The following RBFOX1 variants were observed in gnomAD, a reference collection of about 807,000 sequenced individuals.
RBFOX1 encodes the protein RNA binding protein fox-1 homolog 1.
In RBFOX1, 8 loss-of-function variants were observed where a neutral mutation model predicts 57.7. The observed-to-expected ratio is 0.14, with a 90% CI of 0.08 to 0.25. RBFOX1 has a LOEUF of 0.25. Among genes scored for constraint, RBFOX1 ranks in the 10% least tolerant of loss-of-function variants. The probability of loss-of-function intolerance (pLI) is 1.00; values close to 1 mark genes in which losing one functional copy is unlikely to be tolerated. For missense variants in RBFOX1, 611 were observed against 548.5 expected (o/e 1.11, Z -1.14); for synonymous variants, 326 against 222.4 (o/e 1.47, Z -4.15).
rs1491558284 is a variant in RBFOX1 at position 7,062,892 on chromosome 16, C to CTTTTTTTTTTTTTTTTTTT, written c.27+10794_27+10795insTTTTTTTTTTTTTTTTTTT. Among the ~76,000 whole-genome samples the CTTTTTTTTTTTTTTTTTTT allele has an allele frequency of 1.5e-4, 9 of 59,932 alleles. 3 individuals carry two copies. The highest frequency in any genetic ancestry group is 1.3e-4 in the Non-Finnish European group (4 of 30,268). 39.3% of individuals were successfully genotyped at this position (59,932 alleles called of 152,430 possible). A position where few individuals can be genotyped will look rare whatever the true frequency, so the allele number is the denominator to read the frequency against. ...TACCTCATCTCATTCAAATGATCGCCATTTTTTTTTTTTTTTTTTTTTTTT... is the reference window on the plus strand; with the variant it reads ...TACCTCATCTCATTCAAATGATCGCCTTTTTTTTTTTTTTTTTTTATTTTTTTTTTTTTTTTTTTTTTTT... On this transcript the variant is annotated intron_variant, in intron 4 of 15. Transcript: ENST00000550418.
intron 2 of RBFOX1, among the ~76,000 whole-genome samples, chr16:6,502,627 G>A (rs949594332): frequency 6.6e-6 from 1 of 152,106 alleles, no homozygotes; most frequent in Admixed American, 6.6e-5. Context: ...ATCCATGGTG[G>A]ATAAGTTGTG....
At chr16:5,829,354 A>T (rs759347868) in intron 3 of RBFOX1, among the ~76,000 whole-genome samples, 22 of 152,176 alleles carry the variant, frequency 1.4e-4, no homozygotes, top group Non-Finnish European at 3.1e-4. Context: ...GATCATCTTG[A>T]TGACTGCGAG....
intron 3 of RBFOX1, among the ~76,000 whole-genome samples, chr16:6,706,053 T>C (rs754645608): frequency 6.6e-6 from 1 of 152,150 alleles, no homozygotes; most frequent in Non-Finnish European, 1.5e-5. Flanking sequence ...ATAGGTTAGA[T>C]GGACAGAATT....
intron 2 of RBFOX1, among the ~76,000 whole-genome samples, chr16:6,633,692 G>C (rs1277055749): frequency 1.3e-5 from 2 of 152,082 alleles, no homozygotes; most frequent in African/African-American, 2.4e-5. Flanking sequence ...GCTGTAATTA[G>C]CCACATGTTT....
chr16:6,420,850 G>C (rs757227195), intron 2 of RBFOX1, among the ~76,000 whole-genome samples: 10 of 152,162 alleles, frequency 6.6e-5, no homozygotes, highest in African/African-American at 9.7e-5. Flanking sequence ...TTTATGTGTG[G>C]GATGAGGGTG....
rs12596961 is a variant in RBFOX1, at chr16:7,405,702, A to T, written c.28-112445A>T. On this transcript the variant is annotated intron_variant, in intron 4 of 15. Transcript: ENST00000550418. Reference sequence around the variant, plus strand: ...TCAGGTCCCAGCTGCACCTGTGGTCAGCCTTCCCTGTTACCAGAAAGTGGA... The same window carrying T: ...TCAGGTCCCAGCTGCACCTGTGGTCTGCCTTCCCTGTTACCAGAAAGTGGA... 2.6e-4 allele frequency among the ~76,000 whole-genome samples: 40 copies of T among 152,304 alleles called. 2 individuals carry two copies. The East Asian group carries it at 7.5e-3, about 29-fold the overall frequency.
At chr16:6,680,398 G>T (rs2058470823) in intron 3 of RBFOX1, among the ~76,000 whole-genome samples, 1 of 151,446 alleles carries the variant, frequency 6.6e-6, no homozygotes, top group Admixed American at 6.6e-5. Context: ...GAGTAGCTGG[G>T]ACTACAGGCA....
At chr16:6,803,657 A>G (rs537072820) in intron 3 of RBFOX1, among the ~76,000 whole-genome samples, 12 of 152,352 alleles carry the variant, frequency 7.9e-5, no homozygotes, top group South Asian at 4.1e-4. Flanking sequence ...TTCACCATTA[A>G]TAATTTCTCC....
intron 3 of RBFOX1, among the ~76,000 whole-genome samples, chr16:7,031,543 C>T (rs1423431509): frequency 6.6e-6 from 1 of 151,546 alleles, no homozygotes; most frequent in Non-Finnish European, 1.5e-5. Context: ...CTGCAGTGAG[C>T]CAAGCCAAGA....
At chr16:6,006,180 C>G (rs890806272) in intron 4 of RBFOX1, among the ~76,000 whole-genome samples, 1 of 152,280 alleles carries the variant, frequency 6.6e-6, no homozygotes, top group Admixed American at 6.5e-5. Flanking sequence ...ACCCGGTTTC[C>G]TACGGGGAAA....
chr16:6,557,861 T>C (rs2097126722), intron 2 of RBFOX1, among the ~76,000 whole-genome samples: 1 of 152,210 alleles, frequency 6.6e-6, no homozygotes, highest in African/African-American at 2.4e-5. Flanking sequence ...CATTTTAATA[T>C]TGTGTATTCT....
At chr16:7,063,627 G>A (rs990924278) in intron 4 of RBFOX1, among the ~76,000 whole-genome samples, 12 of 152,114 alleles carry the variant, frequency 7.9e-5, no homozygotes, top group African/African-American at 2.9e-4. Context: ...CCTTATCCTA[G>A]GAATGCTATT....
chr16:7,470,771 T>G (rs2061417040), intron 4 of RBFOX1, among the ~76,000 whole-genome samples: 1 of 152,116 alleles, frequency 6.6e-6, no homozygotes, highest in Admixed American at 6.6e-5. Flanking sequence ...AGAATTTGAT[T>G]TATGCCATTG....
At chr16:5,454,616 G>C (rs889010187) in intron 1 of RBFOX1, among the ~76,000 whole-genome samples, 3 of 152,164 alleles carry the variant, frequency 2.0e-5, no homozygotes, top group Non-Finnish European at 4.4e-5. Context: ...GTGGCCCTTG[G>C]ACTTGAACTA....
intron 2 of RBFOX1, among the ~76,000 whole-genome samples, chr16:6,635,787 C>T (rs2098426377): frequency 6.6e-6 from 1 of 152,070 alleles, no homozygotes; most frequent in African/African-American, 2.4e-5. Flanking sequence ...TGCACTTGAC[C>T]AGTCAGTCTT....
intron 3 of RBFOX1, among the ~76,000 whole-genome samples, chr16:6,885,455 G>A (rs767555620): frequency 2.6e-5 from 4 of 152,136 alleles, no homozygotes; most frequent in African/African-American, 7.2e-5. Context: ...TTCAGTATTC[G>A]TAACAGTGAT....
intron 4 of RBFOX1, among the ~76,000 whole-genome samples, chr16:7,396,578 G>A (rs80217548): frequency 0.028 from 4,225 of 152,168 alleles, 143 homozygotes; most frequent in African/African-American, 0.076. Flanking sequence ...TGGACTTAAC[G>A]TTACTTTAAG....
At chr16:6,255,548 G>A (rs146506604) in intron 1 of RBFOX1, among the ~76,000 whole-genome samples, 1 of 152,260 alleles carries the variant, frequency 6.6e-6, no homozygotes, top group South Asian at 2.1e-4. Context: ...ATGGATACAG[G>A]TGGGTGCCAA....
chr16:6,677,273 C>G lies in RBFOX1; in HGVS notation c.-16+22623C>G, dbSNP rs144838185. Among the ~76,000 whole-genome samples, 508 of 152,268 alleles carry G rather than the reference C, an allele frequency of 3.3e-3. 4 individuals carry two copies. Among genetic ancestry groups the G allele is most frequent in the African/African-American group, 0.012 (487 of 41,560 alleles). On this transcript the variant is annotated intron_variant, in intron 3 of 15. Coordinates refer to ENST00000550418, the MANE Select transcript of RBFOX1 (RefSeq NM_018723.4). Reference sequence around the variant, plus strand: ...AGATAATTTAGCTCCTGTTAGAAGGCACAGAATTAAGGGTGGTCAACACAT... The same window carrying G: ...AGATAATTTAGCTCCTGTTAGAAGGGACAGAATTAAGGGTGGTCAACACAT...
Sources: gnomAD v4.1 joint callset for allele counts (sites outside exome capture counted in the v4.1 genomes callset) on GRCh38, gnomAD v4.1.1 for gene constraint, MANE v1.5 for transcripts, NCBI Gene and HGNC (gene_info 2026-07-23, HGNC 2026-07-21) for gene names.